LARGE1: variants seen among roughly 807,000 people sequenced by gnomAD.
The protein encoded by LARGE1 is xylosyl- and glucuronyltransferase LARGE1.
In LARGE1, 43 loss-of-function variants were observed where a neutral mutation model predicts 87.6. That is an observed-to-expected ratio of 0.49 (90% confidence interval 0.38 to 0.63). The LOEUF (loss-of-function observed/expected upper bound fraction) is 0.63. Among genes scored for constraint, LARGE1 ranks in the 30% least tolerant of loss-of-function variants. LARGE1 has a pLI of 0.00. For missense variants in LARGE1, 802 were observed against 1,000.2 expected (o/e 0.80, Z 2.67); for synonymous variants, 434 against 394.6 (o/e 1.10, Z -1.18).
intron 1 of LARGE1, among the ~76,000 whole-genome samples, chr22:33,832,222 T>A (rs2062992211): frequency 6.6e-6 from 1 of 152,154 alleles, no homozygotes; most frequent in Non-Finnish European, 1.5e-5. Flanking sequence ...AGAGCTCACT[T>A]AGCTCGAGCT....
chr22:33,904,511 G>A lies in LARGE1; in HGVS notation c.-83+15484C>T, dbSNP rs148553541. Among the ~76,000 whole-genome samples, 542 of 152,240 alleles carry A rather than the reference G, an allele frequency of 3.6e-3. 8 individuals carry two copies. The highest frequency in any genetic ancestry group is 0.012 in the African/African-American group (516 of 41,528). ...AAAGATGCTTTCCCTCAGCTACGAT[G>A]GTGGGGCAAGTCAGATGTGCACCCA... On this transcript the variant is annotated intron_variant, in intron 1 of 14. Transcript: ENST00000397394.
At chr22:33,177,583 C>G (rs187053494) in intron 11 of LARGE1, among the ~76,000 whole-genome samples, 98 of 152,110 alleles carry the variant, frequency 6.4e-4, no homozygotes, top group African/African-American at 2.4e-3. Context: ...GCACATAATG[C>G]TGTGATTCCC....
chr22:33,291,968 C>T (rs1414160610), intron 12 of LARGE1, among the ~76,000 whole-genome samples: 3 of 152,154 alleles, frequency 2.0e-5, no homozygotes, highest in South Asian at 4.2e-4. Context: ...GTGGCACACA[C>T]CTATAATCTC....
chr22:33,778,174 A>G (rs2085307179), intron 1 of LARGE1, among the ~76,000 whole-genome samples: 1 of 152,334 alleles, frequency 6.6e-6, no homozygotes, highest in Admixed American at 6.5e-5. Context: ...AAAAGTCTCT[A>G]TAAGGATAAA....
intron 6 of LARGE1, among the ~76,000 whole-genome samples, chr22:33,487,134 C>T (rs910466173): frequency 2.6e-5 from 4 of 152,176 alleles, no homozygotes; most frequent in Non-Finnish European, 4.4e-5. Flanking sequence ...AAGGAATGTG[C>T]TTCAGGGCAA....
At chr22:33,236,275 C>T (rs1926248614) in intron 11 of LARGE1, among the ~76,000 whole-genome samples, 1 of 152,174 alleles carries the variant, frequency 6.6e-6, no homozygotes, top group Admixed American at 6.5e-5. Flanking sequence ...AACACCCCAG[C>T]TGAGTGTGCT....
the LARGE1 span, among the ~76,000 whole-genome samples, chr22:33,113,849 C>A: frequency 6.6e-6 from 1 of 151,336 alleles, no homozygotes; most frequent in Non-Finnish European, 1.5e-5. Context: ...TGCCTCAGCT[C>A]CTCTTCTGAA....
At chr22:33,345,610 G>A (rs1939657033) in intron 9 of LARGE1, among the ~76,000 whole-genome samples, 1 of 152,218 alleles carries the variant, frequency 6.6e-6, no homozygotes, top group Non-Finnish European at 1.5e-5. Flanking sequence ...TATAAAGGCT[G>A]AGTATATGTG....
chr22:33,483,547 T>C (rs904459189), intron 6 of LARGE1, among the ~76,000 whole-genome samples: 1 of 151,922 alleles, frequency 6.6e-6, no homozygotes, highest in Admixed American at 6.6e-5. Flanking sequence ...TTAAAGATGG[T>C]CAAACAGCAG....
At chr22:33,328,580 A>AAATAATAAT (rs143321654) in intron 10 of LARGE1, among the ~76,000 whole-genome samples, 7 of 146,424 alleles carry the variant, frequency 4.8e-5, no homozygotes, top group African/African-American at 1.5e-4. Flanking sequence ...CTCTCTCTCA[A>AAATAATAAT]AATAATAATA....
intron 1 of LARGE1, among the ~76,000 whole-genome samples, chr22:33,782,220 C>G (rs2085445349): frequency 6.6e-6 from 1 of 152,128 alleles, no homozygotes; most frequent in African/African-American, 2.4e-5. Flanking sequence ...TAAAATATGG[C>G]AAGGTTCATG....
chr22:33,089,382 TTCTTCC>T, the LARGE1 span, among the ~76,000 whole-genome samples: 23 of 140,126 alleles, frequency 1.6e-4, no homozygotes, highest in African/African-American at 2.9e-4. Flanking sequence ...CTTCTTCTTC[TTCTTCC>T]TCTTCTTCTT....
chr22:33,511,761 A>C (rs979580877), intron 6 of LARGE1, among the ~76,000 whole-genome samples: 1 of 152,172 alleles, frequency 6.6e-6, no homozygotes, highest in African/African-American at 2.4e-5. Context: ...GACAAATCTG[A>C]GTTATGTCAA....
At chr22:33,088,573 G>A in the LARGE1 span, among the ~76,000 whole-genome samples, 1 of 152,170 alleles carries the variant, frequency 6.6e-6, no homozygotes, top group Non-Finnish European at 1.5e-5. Flanking sequence ...TATGTTGTCA[G>A]GGAGGCCCGT....
the LARGE1 span, among the ~76,000 whole-genome samples, chr22:33,074,836 T>C: frequency 6.6e-6 from 1 of 152,210 alleles, no homozygotes; most frequent in Non-Finnish European, 1.5e-5. Context: ...ATTACTTTAG[T>C]CCAGCATGTT....
intron 2 of LARGE1, among the ~76,000 whole-genome samples, chr22:33,710,065 G>A (rs921174501): frequency 6.6e-6 from 1 of 150,964 alleles, no homozygotes; most frequent in Non-Finnish European, 1.5e-5. Flanking sequence ...CTTGGAAAAT[G>A]CTACTGCCGT....
At chr22:33,341,636 C>T (rs986490843) in intron 9 of LARGE1, among the ~76,000 whole-genome samples, 5 of 152,314 alleles carry the variant, frequency 3.3e-5, no homozygotes, top group East Asian at 1.9e-4. Context: ...CACATCCCCA[C>T]GAACTCCCAT....
At position 33,808,584 on chromosome 22, in the gene LARGE1, C is replaced by T. The variant is rs549559793; in HGVS notation, c.-82-47026G>A. ...TTTACAAAGCACAAGGCACCCTGCA[C>T]GACGCTGGGATCGTAAAGAAGAATA... On this transcript the variant is annotated intron_variant, in intron 1 of 14. Coordinates refer to ENST00000397394, the MANE Select transcript of LARGE1 (RefSeq NM_133642.5). 2.8e-3 allele frequency among the ~76,000 whole-genome samples: 429 copies of T among 152,304 alleles called. 3 individuals carry two copies. The highest frequency in any genetic ancestry group is 4.4e-3 in the Non-Finnish European group (297 of 68,032).
intron 5 of LARGE1, among the ~76,000 whole-genome samples, chr22:33,574,443 G>C (rs548752006): frequency 1.3e-5 from 2 of 151,772 alleles, no homozygotes; most frequent in Non-Finnish European, 2.9e-5. Context: ...GTTCAATATA[G>C]ATGCAACCAT....
Sources: allele counts gnomAD v4.1 joint callset (sites outside exome capture counted in the v4.1 genomes callset), GRCh38; gene constraint gnomAD v4.1.1; transcripts MANE v1.5; gene names NCBI Gene and HGNC (gene_info 2026-07-23, HGNC 2026-07-21).